COL22A1: variants seen among roughly 807,000 people sequenced by gnomAD.
COL22A1 encodes the protein collagen type XXII alpha 1 chain, also known as collagen alpha-1(XXII) chain.
A neutral mutation model predicts 248.9 loss-of-function variants in COL22A1; 221 were observed. The observed-to-expected ratio is 0.89, with a 90% CI of 0.80 to 0.99. The LOEUF is 0.99. Among genes scored for constraint, COL22A1 ranks in the 50% least tolerant of loss-of-function variants. COL22A1 has a pLI of 0.00. For missense variants in COL22A1, 2,240 were observed against 2,179.0 expected (o/e 1.03, Z -0.56); for synonymous variants, 891 against 793.4 (o/e 1.12, Z -2.07).
At chr8:138,847,280 T>C (rs975065566) in intron 3 of COL22A1, among the ~76,000 whole-genome samples, 2 of 152,212 alleles carry the variant, frequency 1.3e-5, no homozygotes, top group Admixed American at 1.3e-4. Context: ...AAACACTGAC[T>C]GGTGGAATGG....
At chr8:138,700,004 C>T (rs959498915) in intron 32 of COL22A1, 108 bp downstream of exon 32, 5 of 1,018,278 alleles carry the variant, frequency 4.9e-6, no homozygotes, top group Middle Eastern at 2.1e-4. Context: ...GTGATGAACG[C>T]GATGGGGCTG....
Position 138,657,902 on chromosome 8 carries a change from C to T in COL22A1, c.3286-1958G>A, listed in dbSNP as rs113323329. 4.9e-3 allele frequency among the ~76,000 whole-genome samples: 744 copies of T among 152,282 alleles called. 5 individuals carry two copies. The highest frequency in any genetic ancestry group is 0.016 in the African/African-American group (674 of 41,544). On this transcript the variant is annotated intron_variant, in intron 44 of 64. Coordinates refer to ENST00000303045, the MANE Select transcript of COL22A1 (RefSeq NM_152888.3). ...CAGCTTGGTGGTTCCATTCACACTC[C>T]AGAGTTCCATGTGGGATCAGGCAGG...
chr8:138,601,106 T>A (rs1817967236), intron 60 of COL22A1, among the ~76,000 whole-genome samples: 1 of 151,336 alleles, frequency 6.6e-6, no homozygotes, highest in Non-Finnish European at 1.5e-5. Context: ...GTTCCTTGGC[T>A]CTCAACCGAA....
intron 27 of COL22A1, 97 bp downstream of exon 27, chr8:138,720,642 T>C (rs934140799): frequency 2.3e-5 from 23 of 1,010,554 alleles, no homozygotes; most frequent in South Asian, 2.1e-4. Context: ...CCAGCTGATA[T>C]AGACGCTATG....
intron 12 of COL22A1, among the ~76,000 whole-genome samples, chr8:138,784,589 A>G (rs1436510882): frequency 6.6e-6 from 1 of 152,240 alleles, no homozygotes; most frequent in Non-Finnish European, 1.5e-5. Flanking sequence ...ACACACATGC[A>G]TGTTTAATAA....
chr8:138,897,923 A>G (rs1397479146), intron 1 of COL22A1, among the ~76,000 whole-genome samples: 1 of 152,138 alleles, frequency 6.6e-6, no homozygotes, highest in African/African-American at 2.4e-5. Context: ...GCTGGGAAGC[A>G]CAAGATCAAG....
intron 30 of COL22A1, 114 bp downstream of exon 30, chr8:138,715,568 T>TAA (rs1563657030): frequency 4.8e-4 from 206 of 432,570 alleles, no homozygotes; most frequent in East Asian, 1.5e-3. Flanking sequence ...GACTCTCATT[T>TAA]TAAAAAAAAA....
chr8:138,700,876 T>G (rs1586499894), intron 31 of COL22A1, among the ~76,000 whole-genome samples: 1 of 150,680 alleles, frequency 6.6e-6, no homozygotes, highest in Non-Finnish European at 1.5e-5. Context: ...TCCCAGCTAC[T>G]CGGGAGGCTG....
chr8:138,640,687 G>A (rs1821606646), intron 47 of COL22A1, among the ~76,000 whole-genome samples: 1 of 152,106 alleles, frequency 6.6e-6, no homozygotes, highest in Admixed American at 6.6e-5. Context: ...AGTATTATGA[G>A]GACCACTTGC....
At chr8:138,822,947 T>C (rs1819268918) in intron 6 of COL22A1, among the ~76,000 whole-genome samples, 1 of 152,196 alleles carries the variant, frequency 6.6e-6, no homozygotes, top group South Asian at 2.1e-4. Flanking sequence ...TGGCATTTCT[T>C]GTTGGTTTCC....
At chr8:138,662,190 A>C (rs1282086450) in intron 42 of COL22A1, 107 bp from the exon 43 acceptor site, 2 of 882,454 alleles carry the variant, frequency 2.3e-6, no homozygotes, top group East Asian at 5.1e-5. Context: ...GTCTGTTGCT[A>C]TGAGGAATCT....
intron 41 of COL22A1, among the ~76,000 whole-genome samples, chr8:138,673,681 T>A (rs1825253132): frequency 6.6e-6 from 1 of 152,196 alleles, no homozygotes; most frequent in African/African-American, 2.4e-5. Flanking sequence ...TGCCCTGGGC[T>A]GGCTGTGTAG....
intron 39 of COL22A1, among the ~76,000 whole-genome samples, chr8:138,683,073 C>T (rs1043934552): frequency 6.6e-6 from 1 of 152,162 alleles, no homozygotes; most frequent in Non-Finnish European, 1.5e-5. Flanking sequence ...GCTGGGTTAG[C>T]GAGCCCCCTC....
intron 16 of COL22A1, among the ~76,000 whole-genome samples, chr8:138,764,341 T>C (rs1218246313): frequency 6.6e-6 from 1 of 152,192 alleles, no homozygotes; most frequent in African/African-American, 2.4e-5. Flanking sequence ...GGAGTGGGTC[T>C]CTCCTTTCAT....
Position 138,907,309 on chromosome 8 carries a change from C to T in COL22A1, c.-73+6310G>A, listed in dbSNP as rs1029144167. On this transcript the variant is annotated intron_variant, in intron 1 of 64. Transcript: ENST00000303045. ...GGAGCTTGTGGGAGGGAGCTCTGCT[C>T]ATTACCCTCGTGCTGTGCAGTGTCT... is the stretch of plus-strand genomic sequence containing the variant. Among the ~76,000 whole-genome samples, 4 of 152,352 alleles carry T rather than the reference C, an allele frequency of 2.6e-5. No homozygotes were observed. In the East Asian group the frequency reaches 7.7e-4, roughly 29 times the overall value.
intron 32 of COL22A1, among the ~76,000 whole-genome samples, chr8:138,696,613 A>C (rs1827526615): frequency 6.6e-6 from 1 of 152,212 alleles, no homozygotes. Flanking sequence ...CTGATACGGC[A>C]GTTGGAGACC....
At chr8:138,716,377 C>T (rs1377285432) in intron 28 of COL22A1, 88 bp from the exon 29 acceptor site, 1 of 865,974 alleles carries the variant, frequency 1.2e-6, no homozygotes, top group East Asian at 2.6e-5. Flanking sequence ...TTCCTGCTCT[C>T]CAGGAACTGG....
intron 44 of COL22A1, among the ~76,000 whole-genome samples, chr8:138,658,310 C>T (rs183769244): frequency 6.6e-6 from 1 of 152,296 alleles, no homozygotes; most frequent in East Asian, 1.9e-4. Flanking sequence ...GAATGTCCTG[C>T]CTGGTAAGAG....
chr8:138,594,250 AGG>A, intron 62 of COL22A1, 51 bp from the exon 63 acceptor site: 1 of 1,490,658 alleles, frequency 6.7e-7, no homozygotes, highest in Non-Finnish European at 9.0e-7. Flanking sequence ...TAGTGGACAT[AGG>A]ACAGGATGGC....
Sources: allele counts gnomAD v4.1 joint callset (sites outside exome capture counted in the v4.1 genomes callset), GRCh38; gene constraint gnomAD v4.1.1; transcripts MANE v1.5; gene names NCBI Gene and HGNC (gene_info 2026-07-23, HGNC 2026-07-21).